Variants in MTMR4 observed in about 807,000 individuals in gnomAD.
The protein encoded by MTMR4 is phosphatidylinositol-3,5-bisphosphate 3-phosphatase MTMR4.
Under a neutral mutation model 125.5 loss-of-function variants are expected in MTMR4, and 30 were observed. The observed-to-expected ratio is 0.24, with a 90% CI of 0.18 to 0.32. MTMR4 has a LOEUF of 0.32. MTMR4 is among the 10% of genes least tolerant of loss of function. MTMR4 has a pLI of 1.00. For synonymous variants in MTMR4, 498 were observed against 564.5 expected (o/e 0.88, Z 1.67); for missense variants, 1,039 against 1,511.5 (o/e 0.69, Z 5.18).
Position 58,504,444 on chromosome 17 carries a change from G to A in MTMR4, c.1386C>T (p.His462=). The change falls in exon 12 of 18, where the codon CAC becomes CAT. Residue 462 remains histidine (H), a synonymous_variant. Coordinates refer to ENST00000682306, the MANE Select transcript of MTMR4 (RefSeq NM_001378067.1). This position sits in a 1 kb window ranked among gnomAD's most constrained non-coding sequence, Gnocchi z 7.1. ...GGTGGCCACAGCGATCTCCAAACTT[G>A]TGCCCAAAATCCAGCCAGTCAGACT... ...LVESDWLDFG[H]KFGDRCGHQE... is the part of the protein sequence containing the mutation. The A allele has an allele frequency of 1.2e-6, 2 of 1,614,036 alleles. No homozygotes were observed. Among genetic ancestry groups the A allele is most frequent in the Middle Eastern group, 3.3e-4 (2 of 6,048 alleles).
intron 9 of MTMR4, among the ~76,000 whole-genome samples, chr17:58,506,444 C>T (rs1017151917): frequency 5.0e-4 from 76 of 152,316 alleles, no homozygotes; most frequent in Non-Finnish European, 1.5e-5. Flanking sequence ...CTGCCTCTGC[C>T]TCCCAAAGTA....
intron 14 of MTMR4, among the ~76,000 whole-genome samples, chr17:58,496,879 A>G (rs1359399735): frequency 6.6e-6 from 1 of 152,266 alleles, no homozygotes; most frequent in Non-Finnish European, 1.5e-5. Flanking sequence ...AGATGCTATG[A>G]GAATTCAAAA....
chr17:58,513,407 G>A (rs1014070037), intron 1 of MTMR4, among the ~76,000 whole-genome samples: 6 of 152,136 alleles, frequency 3.9e-5, no homozygotes, highest in African/African-American at 1.4e-4. Context: ...GTGGGTGAAG[G>A]AGACAAAGAG....
chr17:58,515,374 G>A (rs1416668524), upstream of MTMR4, among the ~76,000 whole-genome samples: 2 of 152,174 alleles, frequency 1.3e-5, no homozygotes, highest in East Asian at 1.9e-4. Flanking sequence ...CACAGAGGGA[G>A]GTGGCTGGAA....
At chr17:58,494,440 G>T (rs1180181490) in intron 15 of MTMR4, among the ~76,000 whole-genome samples, 1 of 151,512 alleles carries the variant, frequency 6.6e-6, no homozygotes, top group South Asian at 2.1e-4. Flanking sequence ...ATCCAAACAA[G>T]AAGGGCACTC....
Position 58,508,004 on chromosome 17 carries a change from G to C in MTMR4, c.707+157C>G, listed in dbSNP as rs1975823214. The C allele has an allele frequency of 1.7e-6, 1 of 587,522 alleles. No homozygotes were observed. Among genetic ancestry groups the C allele is most frequent in the Non-Finnish European group, 3.0e-6 (1 of 331,396 alleles). The allele number at this position is 587,522 out of a possible 1,614,324, so 36.4% of individuals were successfully genotyped here. A position where few individuals can be genotyped will look rare whatever the true frequency, so the allele number is the denominator to read the frequency against. The stretch of plus-strand genomic sequence containing the variant: ...AAACTCCCTAATAGCCTTATTCTTA[G>C]GAGAAAAAACTAAGATAGTTTTTGT... On this transcript the variant is annotated intron_variant, in intron 7 of 17. Transcript: ENST00000682306. This position sits in a 1 kb window ranked among gnomAD's most constrained non-coding sequence, Gnocchi z 4.8.
Position 58,491,559 on chromosome 17 carries a change from G to C in MTMR4, c.*104C>G. 8.4e-7 allele frequency: 1 copy of C among 1,185,726 alleles called. No homozygotes were observed. The highest frequency in any genetic ancestry group is 1.2e-6 in the Non-Finnish European group (1 of 836,972). The allele number at this position is 1,185,726 out of a possible 1,614,324, so 73.5% of individuals were successfully genotyped here. Reference sequence around the variant, plus strand: ...GAGGATTTCTCAAGATGGTATCTCTGAGCTCTGTGATTTCATGAGCCACAC... The same window carrying C: ...GAGGATTTCTCAAGATGGTATCTCTCAGCTCTGTGATTTCATGAGCCACAC... On this transcript the variant is annotated 3_prime_UTR_variant, in exon 18 of 18. Coordinates refer to ENST00000682306, the MANE Select transcript of MTMR4 (RefSeq NM_001378067.1).
intron 17 of MTMR4, 91 bp from the exon 18 acceptor site, chr17:58,491,931 T>C: frequency 1.6e-6 from 2 of 1,277,270 alleles, no homozygotes; most frequent in Non-Finnish European, 2.2e-6. Flanking sequence ...TGCACTTTGG[T>C]AGGCTGAGGC....
rs1975421197 is a variant in MTMR4 at position 58,495,172 on chromosome 17, G to A, written c.3012C>T (p.Val1004=). ...QMWLSSHPKQ[V]SSTKPVPLNC... ...TCAGTGGAACGGGCTTTGTGCTAGAGACTTGCTTTGGATGACTGGACAACC... is the reference window on the plus strand; with the variant it reads ...TCAGTGGAACGGGCTTTGTGCTAGAAACTTGCTTTGGATGACTGGACAACC... Residue 1004 remains valine (V), a synonymous_variant, in exon 15 of 18, where the codon GTC becomes GTT. Transcript: ENST00000682306. 1 of 1,614,108 alleles carries A rather than the reference G, an allele frequency of 6.2e-7. No individual in the cohort carries two copies. Among genetic ancestry groups the A allele is most frequent in the Non-Finnish European group, 8.5e-7 (1 of 1,180,048 alleles).
chr17:58,511,572 C>A (rs1176568021), intron 3 of MTMR4, 61 bp from the exon 4 acceptor site: 15 of 1,406,604 alleles, frequency 1.1e-5, no homozygotes, highest in Non-Finnish European at 1.4e-5. Context: ...CTCACCCTCA[C>A]CCTAGCGTAG....
upstream of MTMR4, among the ~76,000 whole-genome samples, chr17:58,518,808 G>A (rs2042064239): frequency 6.6e-6 from 1 of 152,194 alleles, no homozygotes; most frequent in Admixed American, 6.5e-5. Flanking sequence ...GACAGAAATG[G>A]AGAACAGTTG....
Position 58,495,693 on chromosome 17 carries a change from G to A in MTMR4, c.2491C>T (p.Pro831Ser), listed in dbSNP as rs1188392291. 1.2e-6 allele frequency: 2 copies of A among 1,614,058 alleles called. No individual in the cohort carries two copies. The highest frequency in any genetic ancestry group is 1.7e-6 in the Non-Finnish European group (2 of 1,180,056). The change falls in exon 15 of 18, where the codon CCA becomes TCA. Residue 831 changes from proline (P) to serine (S), a missense_variant. Physicochemically the swap from Pro to Ser is moderately conservative, Grantham distance 74. Around this residue, in one of 6 missense-constraint regions of MTMR4, gnomAD observed 619 missense variants for 714.5 expected, o/e 0.87. Transcript: ENST00000682306. Reference protein sequence around the residue: ...LDHSLSTVCNPPSAACQTPLD... With the variant: ...LDHSLSTVCNSPSAACQTPLD... Reference sequence around the variant, plus strand: ...GGAGTTTGGCAGGCAGCACTCGGTGGGTTGCAAACGGTGCTGAGGCTGTGA... The same window carrying A: ...GGAGTTTGGCAGGCAGCACTCGGTGAGTTGCAAACGGTGCTGAGGCTGTGA...
rs1975789834 is a variant in MTMR4, at chr17:58,506,838, C to T, written c.938G>A (p.Ser313Asn). 1 of 1,613,486 alleles carries T rather than the reference C, an allele frequency of 6.2e-7. No individual in the cohort carries two copies. Among genetic ancestry groups the T allele is most frequent in the Non-Finnish European group, 8.5e-7 (1 of 1,179,938 alleles). The change falls in exon 9 of 18, where the codon AGC becomes AAC. Residue 313 changes from serine to asparagine, a missense_variant. Ser to Asn is a conservative substitution (Grantham distance 46). This residue lies in a region of MTMR4 where 49 missense variants were observed against 68.4 expected (regional missense o/e 0.72). Coordinates refer to ENST00000682306, the MANE Select transcript of MTMR4 (RefSeq NM_001378067.1). ...CAGCAGCTTTTGAGGAGCTGCTGTG[C>T]TCTCCACTCCAGAGCACGCAGTCAG... Reference protein sequence around the residue: ...SSLTACSGVESTAAPQKLLIL... With the variant: ...SSLTACSGVENTAAPQKLLIL...
intron 1 of MTMR4, chr17:58,514,148 A>G (rs562329315): frequency 1.2e-5 from 3 of 255,514 alleles, no homozygotes; most frequent in Non-Finnish European, 1.2e-5. Context: ...GCCAGGATGG[A>G]CCACAGAATT....
Position 58,492,516 on chromosome 17 carries a change from A to G in MTMR4, c.3447T>C (p.His1149=), listed in dbSNP as rs770623109. The G allele has an allele frequency of 2.4e-5, 38 of 1,613,778 alleles. No homozygotes were observed. Among genetic ancestry groups the G allele is most frequent in the Non-Finnish European group, 2.9e-5 (34 of 1,179,908 alleles). Residue 1149 remains histidine, a synonymous_variant, in exon 17 of 18, where the codon CAT becomes CAC. Transcript: ENST00000682306. ...CEFWLAKRRH[H]CRNCGNVFCA... is the part of the protein sequence containing the mutation. ...AATCATACAAAACATCTTACCTGCAATGGTGTCTTCGTTTGGCCAACCAGA... is the reference window on the plus strand; with the variant it reads ...AATCATACAAAACATCTTACCTGCAGTGGTGTCTTCGTTTGGCCAACCAGA...
At chr17:58,511,147 C>G (rs904271411) in intron 4 of MTMR4, 1 of 273,460 alleles carries the variant, frequency 3.7e-6, no homozygotes, top group East Asian at 6.6e-5. Context: ...AATATGAGTG[C>G]TCTGTGCCAG....
chr17:58,497,295 T>C (rs1356529182), intron 14 of MTMR4, among the ~76,000 whole-genome samples: 1 of 152,236 alleles, frequency 6.6e-6, no homozygotes, highest in Non-Finnish European at 1.5e-5. Context: ...ACAAATGTTT[T>C]ATACATACTT....
intron 14 of MTMR4, among the ~76,000 whole-genome samples, chr17:58,503,055 G>A (rs1975682717): frequency 6.6e-6 from 1 of 152,198 alleles, no homozygotes; most frequent in South Asian, 2.1e-4. Flanking sequence ...AGAGTCAGAT[G>A]TTTCTGGAAG....
Position 58,495,904 on chromosome 17 carries a change from A to G in MTMR4, c.2280T>C (p.Asp760=). The part of the protein sequence containing the change: ...SAQDELGRTL[D]GIGEPPEHCP... ...AATGTTCAGGTGGCTCCCCTATGCC[A>G]TCTAAAGTCCTACCCAGCTCATCCT... Residue 760 remains aspartate, a synonymous_variant, in exon 15 of 18, where the codon GAT becomes GAC. Transcript: ENST00000682306. 3 of 1,614,188 alleles carry G rather than the reference A, an allele frequency of 1.9e-6. No individual in the cohort carries two copies. In the South Asian group the frequency reaches 3.3e-5, roughly 18 times the overall value.
Sources: gnomAD v4.1 joint callset for allele counts (sites outside exome capture counted in the v4.1 genomes callset) on GRCh38, gnomAD v4.1.1 for gene constraint, gnomAD v4.1.1 regional missense constraint, Gnocchi (gnomAD v3.1) non-coding constraint, MANE v1.5 for transcripts, NCBI Gene and HGNC (gene_info 2026-07-23, HGNC 2026-07-21) for gene names.